Variants in ZNF780A observed in about 807,000 individuals in gnomAD.
ZNF780A encodes zinc finger protein 780A.
Under a neutral mutation model 56.7 loss-of-function variants are expected in ZNF780A, and 40 were observed. That is an observed-to-expected ratio of 0.71 (90% CI 0.55 to 0.92). ZNF780A has a LOEUF of 0.92. Ranked by LOEUF, ZNF780A falls within the 40% of genes least tolerant of loss-of-function variation. The probability of loss-of-function intolerance (pLI) is 0.00; values close to 1 mark genes in which losing one functional copy is unlikely to be tolerated. For missense variants in ZNF780A, 672 were observed against 783.3 expected (o/e 0.86, Z 1.70); for synonymous variants, 231 against 248.3 (o/e 0.93, Z 0.66).
chr19:40,079,497 C>T (rs1225983549), intron 5 of ZNF780A, among the ~76,000 whole-genome samples: 1 of 152,146 alleles, frequency 6.6e-6, no homozygotes, highest in East Asian at 1.9e-4. Flanking sequence ...ACAGGCCTAA[C>T]AGACATTTAC....
chr19:40,077,958 G>A (rs1257541846), intron 5 of ZNF780A, among the ~76,000 whole-genome samples: 1 of 147,886 alleles, frequency 6.8e-6, no homozygotes, highest in Admixed American at 6.7e-5. Context: ...TCCAATGGGA[G>A]AAAAATGCTA....
chr19:40,082,945 C>T (rs554308098), intron 4 of ZNF780A, among the ~76,000 whole-genome samples, 166 bp downstream of exon 4: 24 of 152,284 alleles, frequency 1.6e-4, no homozygotes, highest in African/African-American at 5.8e-4. Flanking sequence ...GATGCAGGGG[C>T]TCCAGGGAGG....
rs992434994 is a variant in ZNF780A at position 40,085,977 on chromosome 19, T to C, written c.-45-1179A>G. On this transcript the variant is annotated intron_variant, in intron 2 of 5. Transcript: ENST00000683561. ...GTGTATATATATATGTGTGTGTGTATATATATATTTATATATATATATGTG... is the reference window on the plus strand; with the variant it reads ...GTGTATATATATATGTGTGTGTGTACATATATATTTATATATATATATGTG... Among the ~76,000 whole-genome samples, 5 of 147,882 alleles carry C rather than the reference T, an allele frequency of 3.4e-5. No homozygotes were observed. In the East Asian group the frequency reaches 6.0e-4, roughly 18 times the overall value.
At chr19:40,089,289 A>C (rs1449626629) in intron 2 of ZNF780A, 4 of 1,412,856 alleles carry the variant, frequency 2.8e-6, no homozygotes, top group Non-Finnish European at 3.8e-6. Flanking sequence ...CATGATAAAT[A>C]CATACAATTA....
intron 2 of ZNF780A, chr19:40,089,312 T>A: frequency 7.4e-7 from 1 of 1,358,326 alleles, no homozygotes; most frequent in Non-Finnish European, 9.6e-7. Flanking sequence ...TCTGTCGATT[T>A]AAAAAGAAAG....
At chr19:40,076,713 A>T (rs1382479975) in intron 5 of ZNF780A, among the ~76,000 whole-genome samples, 1 of 152,192 alleles carries the variant, frequency 6.6e-6, no homozygotes, top group African/African-American at 2.4e-5. Context: ...GGTCAGGTCC[A>T]GCAGACCCAG....
At chr19:40,078,457 A>AT (rs1974284721) in intron 5 of ZNF780A, among the ~76,000 whole-genome samples, 1 of 152,298 alleles carries the variant, frequency 6.6e-6, no homozygotes, top group East Asian at 1.9e-4. Flanking sequence ...ACCCAAATAC[A>AT]TAACAACACA....
rs576860407 is a variant in ZNF780A, at chr19:40,073,936, G to A, written c.*580C>T. ...TTTCCCATATTCCTTACATTATAGC[G>A]TTTCTCACCAGTATGAATTTTAACA... is the stretch of plus-strand genomic sequence containing the variant. On this transcript the variant is annotated 3_prime_UTR_variant, in exon 6 of 6. Transcript: ENST00000683561. 3.9e-5 allele frequency: 40 copies of A among 1,036,294 alleles called. No individual in the cohort carries two copies. The highest frequency in any genetic ancestry group is 1.0e-4 in the Admixed American group (2 of 19,928). 64.2% of individuals were successfully genotyped at this position (1,036,294 alleles called of 1,614,324 possible).
chr19:40,079,491 G>C (rs1331180853), intron 5 of ZNF780A, among the ~76,000 whole-genome samples: 1 of 151,964 alleles, frequency 6.6e-6, no homozygotes, highest in Admixed American at 6.6e-5. Flanking sequence ...GACAAAACAG[G>C]CCTAACAGAC....
chr19:40,076,040 T>A lies in ZNF780A; in HGVS notation c.402A>T (p.Gln134His), dbSNP rs1230925560. Residue 134 changes from glutamine (Q) to histidine (H), a missense_variant, in exon 6 of 6, where the codon CAA (glutamine) becomes CAT (histidine). Gln to His is a conservative substitution (Grantham distance 24). Transcript: ENST00000683561. ...YRQFEGLQGY[Q>H]EGNINQKMIS... ...TCATCTTTTGATTGATATTTCCTTC[T>A]TGATATCCCTGTAGTCCCTCAAATT... 6.2e-7 allele frequency: 1 copy of A among 1,613,652 alleles called. No individual in the cohort carries two copies. Among genetic ancestry groups the A allele is most frequent in the African/African-American group, 1.3e-5 (1 of 75,028 alleles).
chr19:40,089,642 A>ACACT (rs1555744829), intron 2 of ZNF780A, among the ~76,000 whole-genome samples: 45 of 151,324 alleles, frequency 3.0e-4, no homozygotes, highest in Non-Finnish European at 4.9e-4. Flanking sequence ...ACACACACAC[A>ACACT]CTCACACACA....
chr19:40,075,100 T>A lies in ZNF780A; in HGVS notation c.1342A>T (p.Arg448Trp). 3 of 1,614,150 alleles carry A rather than the reference T, an allele frequency of 1.9e-6. No individual in the cohort carries two copies. The highest frequency in any genetic ancestry group is 2.5e-6 in the Non-Finnish European group (3 of 1,180,026). Residue 448 changes from arginine to tryptophan, a missense_variant, in exon 6 of 6, where the codon AGG (arginine) becomes TGG (tryptophan). Physicochemically the swap from Arg to Trp is moderately radical, Grantham distance 101. Transcript: ENST00000683561. ...TATCTAAAGGCCATCTCACATTCCC[T>A]ACATACAAAAGGTTTCTCATTGGAA... ...IHSNEKPFVC[R>W]ECEMAFRYHC...
chr19:40,073,909 G>A lies in ZNF780A; in HGVS notation c.*607C>T. 1 of 1,006,850 alleles carries A rather than the reference G, an allele frequency of 9.9e-7. No individual in the cohort carries two copies. Among genetic ancestry groups the A allele is most frequent in the Non-Finnish European group, 1.2e-6 (1 of 841,746 alleles). The allele number at this position is 1,006,850 out of a possible 1,614,324, so 62.4% of individuals were successfully genotyped here. A position where few individuals can be genotyped will look rare whatever the true frequency, so the allele number is the denominator to read the frequency against. ...AGACAGCTGATCATCCACAGCAAAT[G>A]CTTTCCCATATTCCTTACATTATAG... On this transcript the variant is annotated 3_prime_UTR_variant, in exon 6 of 6. Transcript: ENST00000683561.
intron 5 of ZNF780A, among the ~76,000 whole-genome samples, chr19:40,077,573 G>C (rs892893930): frequency 1.3e-5 from 2 of 151,922 alleles, no homozygotes; most frequent in Non-Finnish European, 2.9e-5. Context: ...TCCAACACTG[G>C]GGATTACATT....
chr19:40,085,122 T>G, intron 2 of ZNF780A: 1 of 983,786 alleles, frequency 1.0e-6, no homozygotes, highest in Non-Finnish European at 1.2e-6. Flanking sequence ...GGCCTAGGTC[T>G]GGACCTCTGA....
At chr19:40,089,268 T>C in intron 2 of ZNF780A, 1 of 1,426,452 alleles carries the variant, frequency 7.0e-7, no homozygotes, top group Non-Finnish European at 9.3e-7. Flanking sequence ...ACCATAAAAC[T>C]TCATGTTGCA....
chr19:40,071,329 C>T (rs1456463856), downstream of ZNF780A: 2 of 151,976 alleles, frequency 1.3e-5, no homozygotes, highest in African/African-American at 4.8e-5. Context: ...TAATTTTTTT[C>T]AAAGTTTATC....
At position 40,083,148 on chromosome 19, in the gene ZNF780A, A is replaced by G; in HGVS notation, c.99T>C (p.Asp33=). 1 of 1,614,148 alleles carries G rather than the reference A, an allele frequency of 6.2e-7. No homozygotes were observed. The highest frequency in any genetic ancestry group is 2.2e-5 in the East Asian group (1 of 44,888). ...LQPDQRTLYR[D]VMLENYSHLI... ...GGTGGCTGTAGTTCTCCAACATCAC[A>G]TCCCTGTACAAGGTCCTCTGATCAG... is the stretch of plus-strand genomic sequence containing the variant. The change falls in exon 4 of 6, where the codon GAT becomes GAC. Residue 33 remains aspartate (D), a synonymous_variant. Transcript: ENST00000683561.
Position 40,074,065 on chromosome 19 carries a change from T to A in ZNF780A, c.*451A>T, listed in dbSNP as rs1466215206. 8.0e-7 allele frequency: 1 copy of A among 1,254,884 alleles called. No homozygotes were observed. The highest frequency in any genetic ancestry group is 1.5e-5 in the African/African-American group (1 of 64,824). The allele number at this position is 1,254,884 out of a possible 1,614,324, so 77.7% of individuals were successfully genotyped here. A position where few individuals can be genotyped will look rare whatever the true frequency, so the allele number is the denominator to read the frequency against. On this transcript the variant is annotated 3_prime_UTR_variant, in exon 6 of 6. Coordinates refer to ENST00000683561, the MANE Select transcript of ZNF780A (RefSeq NM_001142578.2). The stretch of plus-strand genomic sequence containing the variant: ...CTTTGATGTGCAGTCAGGACCAAAC[T>A]AAATCTGAAAGTTTTCCCACACTCC...
Sources: allele counts gnomAD v4.1 joint callset (sites outside exome capture counted in the v4.1 genomes callset), GRCh38; gene constraint gnomAD v4.1.1; transcripts MANE v1.5; gene names NCBI Gene and HGNC (gene_info 2026-07-23, HGNC 2026-07-21).